CNTN5: variants seen among roughly 807,000 people sequenced by gnomAD.
CNTN5 encodes contactin-5.
Under a neutral mutation model 129.1 loss-of-function variants are expected in CNTN5, and 77 were observed. The ratio of observed to expected loss-of-function variants is 0.60; its 90% CI spans 0.50 to 0.72. CNTN5 has a LOEUF of 0.72. CNTN5 is among the 30% of genes least tolerant of loss of function. The pLI, the probability that CNTN5 is intolerant of heterozygous loss-of-function variation, is 0.00. For missense variants in CNTN5, 1,478 were observed against 1,328.8 expected (o/e 1.11, Z -1.75); for synonymous variants, 509 against 465.6 (o/e 1.09, Z -1.20).
chr11:99,846,137 C>CACAG (rs1468968560), intron 6 of CNTN5, among the ~76,000 whole-genome samples: 1 of 150,686 alleles, frequency 6.6e-6, no homozygotes, highest in African/African-American at 2.4e-5. Flanking sequence ...TAGACACACA[C>CACAG]ACACACACAC....
chr11:99,524,569 T>C (rs1382090328), intron 2 of CNTN5, among the ~76,000 whole-genome samples: 3 of 152,226 alleles, frequency 2.0e-5, no homozygotes, highest in South Asian at 2.1e-4. Context: ...CCTAGCACTT[T>C]GGGAGGCTGA....
At chr11:99,203,526 G>T (rs554493731) in intron 1 of CNTN5, among the ~76,000 whole-genome samples, 14 of 151,932 alleles carry the variant, frequency 9.2e-5, no homozygotes, top group African/African-American at 3.4e-4. Context: ...TATGTTTAAA[G>T]ATCTCATTAT....
intron 7 of CNTN5, among the ~76,000 whole-genome samples, chr11:99,925,906 C>T (rs747137679): frequency 1.3e-5 from 2 of 152,018 alleles, no homozygotes; most frequent in African/African-American, 4.8e-5. Flanking sequence ...TTCTAAATAG[C>T]TATATTGTAC....
intron 9 of CNTN5, among the ~76,000 whole-genome samples, chr11:100,041,402 C>G (rs1942370007): frequency 6.6e-6 from 1 of 152,194 alleles, no homozygotes; most frequent in Non-Finnish European, 1.5e-5. Flanking sequence ...AACTCCAGGT[C>G]TACGACAAAG....
rs183925927 is a variant in CNTN5 at position 100,197,417 on chromosome 11, C to G, written c.1884+3754C>G. 2.0e-5 allele frequency among the ~76,000 whole-genome samples: 3 copies of G among 152,084 alleles called. No individual in the cohort carries two copies. In the East Asian group the frequency reaches 5.8e-4, roughly 29 times the overall value. ...TTGGCTAGTTTGTGGATTTTACATTCAGTGTAGACCTGTTAAGTAGAGGTT... is the reference window on the plus strand; with the variant it reads ...TTGGCTAGTTTGTGGATTTTACATTGAGTGTAGACCTGTTAAGTAGAGGTT... On this transcript the variant is annotated intron_variant, in intron 15 of 24. Transcript: ENST00000524871.
intron 24 of CNTN5, among the ~76,000 whole-genome samples, chr11:100,354,654 A>G (rs513837): frequency 0.46 from 70,164 of 151,376 alleles, 16,629 homozygotes; most frequent in African/African-American, 0.55. Context: ...TGCATCCTTC[A>G]GCAATTTCAT....
intron 9 of CNTN5, among the ~76,000 whole-genome samples, chr11:100,037,415 T>C (rs1942083976): frequency 6.6e-6 from 1 of 152,090 alleles, no homozygotes; most frequent in African/African-American, 2.4e-5. Context: ...TCAAGGATAT[T>C]GGTCTAAAAT....
chr11:99,639,045 G>T, intron 3 of CNTN5, among the ~76,000 whole-genome samples: 1 of 152,188 alleles, frequency 6.6e-6, no homozygotes, highest in Non-Finnish European at 1.5e-5. Flanking sequence ...TTTTGCCTGT[G>T]CATCCAAGAG....
chr11:100,030,526 A>G (rs1231419717), intron 9 of CNTN5, among the ~76,000 whole-genome samples: 1 of 152,194 alleles, frequency 6.6e-6, no homozygotes, highest in African/African-American at 2.4e-5. Flanking sequence ...GATATGCACA[A>G]TCCATTGTGA....
intron 1 of CNTN5, among the ~76,000 whole-genome samples, chr11:99,263,186 C>T (rs1220509052): frequency 6.6e-6 from 1 of 152,118 alleles, no homozygotes; most frequent in East Asian, 1.9e-4. Flanking sequence ...GTCTTCTACG[C>T]TCCTTTTCAT....
chr11:99,491,585 C>A (rs1417969730), intron 2 of CNTN5, among the ~76,000 whole-genome samples: 1 of 152,044 alleles, frequency 6.6e-6, no homozygotes, highest in Non-Finnish European at 1.5e-5. Context: ...AGACAATATG[C>A]TATTGGGATT....
chr11:100,163,634 T>C (rs910032507), intron 13 of CNTN5, among the ~76,000 whole-genome samples: 3 of 151,906 alleles, frequency 2.0e-5, no homozygotes, highest in African/African-American at 7.2e-5. Flanking sequence ...TCTGACCTAC[T>C]GCCTACCACA....
rs533856465 is a variant in CNTN5, at chr11:99,052,365, C to T, written c.-210+31095C>T. ...ATATGGTCATCCCATAAGATTATAA[C>T]GTGCTATTTTTATTGTGCTTTTTCT... On this transcript the variant is annotated intron_variant, in intron 1 of 24. Transcript: ENST00000524871. Among the ~76,000 whole-genome samples the T allele has an allele frequency of 6.6e-5, 10 of 151,828 alleles. No individual in the cohort carries two copies. The South Asian group carries it at 1.0e-3, about 16-fold the overall frequency.
intron 3 of CNTN5, among the ~76,000 whole-genome samples, chr11:99,583,163 C>T (rs1949671850): frequency 6.6e-6 from 1 of 152,224 alleles, no homozygotes; most frequent in Non-Finnish European, 1.5e-5. Flanking sequence ...GTAAATGCTG[C>T]TGCCTGATCG....
intron 1 of CNTN5, among the ~76,000 whole-genome samples, chr11:99,047,605 G>A (rs747746904): frequency 1.1e-4 from 16 of 151,944 alleles, no homozygotes; most frequent in Non-Finnish European, 2.4e-4. Context: ...AAAGTTCATC[G>A]ATAAATTCAG....
chr11:99,857,841 T>A (rs931020668), intron 6 of CNTN5, among the ~76,000 whole-genome samples: 1 of 152,158 alleles, frequency 6.6e-6, no homozygotes, highest in Admixed American at 6.5e-5. Context: ...TCTTTATTGA[T>A]CTCCGTGGCA....
At chr11:99,191,390 G>T (rs1166294024) in intron 1 of CNTN5, among the ~76,000 whole-genome samples, 1 of 151,618 alleles carries the variant, frequency 6.6e-6, no homozygotes, top group African/African-American at 2.4e-5. Context: ...TTTCTTGGAA[G>T]AGTTTGAGAG....
At chr11:99,592,622 A>C (rs1256093637) in intron 3 of CNTN5, among the ~76,000 whole-genome samples, 1 of 152,130 alleles carries the variant, frequency 6.6e-6, no homozygotes, top group East Asian at 1.9e-4. Flanking sequence ...TGAAGCGTTC[A>C]AAAAATTAGA....
chr11:99,697,269 G>A (rs1258834637), intron 3 of CNTN5, among the ~76,000 whole-genome samples: 1 of 151,592 alleles, frequency 6.6e-6, no homozygotes, highest in African/African-American at 2.4e-5. Flanking sequence ...TTCTTCCCAA[G>A]AATAGAGTGT....
Sources: gnomAD v4.1 joint callset for allele counts (sites outside exome capture counted in the v4.1 genomes callset) on GRCh38, gnomAD v4.1.1 for gene constraint, MANE v1.5 for transcripts, NCBI Gene and HGNC (gene_info 2026-07-23, HGNC 2026-07-21) for gene names.